CRB1: variants seen among roughly 807,000 people sequenced by gnomAD.
CRB1 encodes crumbs cell polarity complex component 1.
CRB1 carries 83 observed loss-of-function variants against 120.0 expected under a neutral mutation model. The ratio of observed to expected loss-of-function variants is 0.69; its 90% CI spans 0.58 to 0.83. CRB1 has a LOEUF of 0.83. CRB1 is among the 40% of genes least tolerant of loss of function. CRB1 has a pLI of 0.00. For synonymous variants in CRB1, 625 were observed against 612.5 expected, an observed-to-expected ratio of 1.02 and a Z score of -0.30; for missense variants, 1,699 against 1,687.6, an observed-to-expected ratio of 1.01 and a Z score of -0.12.
At chr1:197,211,944 A>G in the CRB1 span, among the ~76,000 whole-genome samples, 1 of 152,172 alleles carries the variant, frequency 6.6e-6, no homozygotes, top group African/African-American at 2.4e-5. Flanking sequence ...CAATGAGACG[A>G]AACATATATA....
intron 4 of CRB1, among the ~76,000 whole-genome samples, chr1:197,355,067 T>C (rs1222194869): frequency 6.6e-6 from 1 of 151,764 alleles, no homozygotes; most frequent in African/African-American, 2.4e-5. Flanking sequence ...AGAGTGCCTA[T>C]TGTTGCATCC....
At chr1:197,341,588 T>A (rs1659462678) in intron 2 of CRB1, among the ~76,000 whole-genome samples, 1 of 152,142 alleles carries the variant, frequency 6.6e-6, no homozygotes, top group Non-Finnish European at 1.5e-5. Context: ...AGAATGCTAA[T>A]GTATATCTAC....
At chr1:197,354,468 G>C (rs1298852095) in intron 4 of CRB1, among the ~76,000 whole-genome samples, 1 of 152,094 alleles carries the variant, frequency 6.6e-6, no homozygotes, top group Non-Finnish European at 1.5e-5. Context: ...GTTCGGACGT[G>C]TTCAGAGTTT....
At chr1:197,372,126 A>G (rs1482821985) in intron 5 of CRB1, among the ~76,000 whole-genome samples, 1 of 152,156 alleles carries the variant, frequency 6.6e-6, no homozygotes, top group Non-Finnish European at 1.5e-5. Context: ...GCAGCATTTA[A>G]TTAAGGAGAC....
At chr1:197,453,564 A>AGG (rs1666090112) in intron 11 of CRB1, among the ~76,000 whole-genome samples, 10 of 124,124 alleles carry the variant, frequency 8.1e-5, no homozygotes, top group Middle Eastern at 4.5e-3. Flanking sequence ...AGAGAGAGAG[A>AGG]GAGAGGGAGA....
intron 11 of CRB1, among the ~76,000 whole-genome samples, chr1:197,450,957 C>CAAAAAA (rs11288525): frequency 8.8e-5 from 5 of 56,612 alleles, no homozygotes; most frequent in Non-Finnish European, 1.5e-4. Context: ...GACTCCGTCC[C>CAAAAAA]AAAAAAAAAA....
the CRB1 span, among the ~76,000 whole-genome samples, chr1:197,244,203 T>C: frequency 9.2e-5 from 14 of 152,190 alleles, no homozygotes; most frequent in Non-Finnish European, 1.3e-4. Flanking sequence ...ATGTTTGAAT[T>C]TGATCCTGTC....
intron 1 of CRB1, among the ~76,000 whole-genome samples, chr1:197,324,095 GA>G (rs1658359331): frequency 6.6e-6 from 1 of 152,160 alleles, no homozygotes. Context: ...TGATGTCAAT[GA>G]ATTTTGGCCA....
At chr1:197,451,774 G>A (rs978766608) in intron 11 of CRB1, among the ~76,000 whole-genome samples, 6 of 152,130 alleles carry the variant, frequency 3.9e-5, no homozygotes, top group Non-Finnish European at 7.4e-5. Flanking sequence ...TTTAAATTGC[G>A]CTTTTCTTCT....
At chr1:197,231,138 TA>T in the CRB1 span, among the ~76,000 whole-genome samples, 1 of 152,122 alleles carries the variant, frequency 6.6e-6, no homozygotes, top group Non-Finnish European at 1.5e-5. Context: ...CAGAAGAAAT[TA>T]TAGCTTCTTT....
intron 5 of CRB1, among the ~76,000 whole-genome samples, chr1:197,366,027 A>G (rs1040731106): frequency 6.6e-6 from 1 of 152,200 alleles, no homozygotes; most frequent in African/African-American, 2.4e-5. Context: ...CACTTGTGTT[A>G]TAGTAGTATA....
At chr1:197,303,293 C>G (rs1298461860) in intron 1 of CRB1, among the ~76,000 whole-genome samples, 4 of 108,434 alleles carry the variant, frequency 3.7e-5, no homozygotes, top group Non-Finnish European at 3.6e-5. Context: ...TCCCCCCACC[C>G]CACAACAGTC....
At position 197,316,175 on chromosome 1, in the gene CRB1, G is replaced by C. The variant is rs191200620; in HGVS notation, c.71-12247G>C. 9.2e-5 allele frequency among the ~76,000 whole-genome samples: 14 copies of C among 151,446 alleles called. No homozygotes were observed. In the East Asian group the frequency reaches 1.2e-3, roughly 13 times the overall value. On this transcript the variant is annotated intron_variant, in intron 1 of 11. Coordinates refer to ENST00000367400, the MANE Select transcript of CRB1 (RefSeq NM_201253.3). Reference sequence around the variant, plus strand: ...TTGGTTCAAAAATCAGATTTTAAACGATTTCAAAGTCAGACTTTTTTTTTT... The same window carrying C: ...TTGGTTCAAAAATCAGATTTTAAACCATTTCAAAGTCAGACTTTTTTTTTT...
Position 197,268,467 on chromosome 1 carries a change from C to T in CRB1, c.55C>T (p.Leu19Phe). 3 of 1,611,600 alleles carry T rather than the reference C, an allele frequency of 1.9e-6. No homozygotes were observed. Among genetic ancestry groups the T allele is most frequent in the Non-Finnish European group, 1.7e-6 (2 of 1,177,714 alleles). Residue 19 changes from leucine (L) to phenylalanine (F), a missense_variant, in exon 1 of 12, where the codon CTT becomes TTT. By Grantham distance (22) the Leu-to-Phe change is conservative. Transcript: ENST00000367400. Reference sequence around the variant, plus strand: ...CATCTTCTACCTCAGTTTCTCACTGCTTATCTACATAAAAAGTAAGCCTTT... The same window carrying T: ...CATCTTCTACCTCAGTTTCTCACTGTTTATCTACATAAAAAGTAAGCCTTT... ...LLIFYLSFSL[L>F]IYIKNSFCNK...
At chr1:197,387,953 G>A (rs1260271386) in intron 5 of CRB1, among the ~76,000 whole-genome samples, 1 of 151,442 alleles carries the variant, frequency 6.6e-6, no homozygotes, top group Non-Finnish European at 1.5e-5. Flanking sequence ...GTATTAGTAT[G>A]TATTTATATA....
At chr1:197,324,425 A>G (rs1658380186) in intron 1 of CRB1, among the ~76,000 whole-genome samples, 2 of 152,208 alleles carry the variant, frequency 1.3e-5, no homozygotes, top group African/African-American at 2.4e-5. Flanking sequence ...AAAGCAAATA[A>G]TGTTTTTTAA....
intron 11 of CRB1, 158 bp downstream of exon 11, chr1:197,442,450 A>G: frequency 6.4e-7 from 1 of 1,552,676 alleles, no homozygotes. Context: ...ATGAAAAAAA[A>G]AGCCATTGAA....
At chr1:197,211,107 C>T in the CRB1 span, among the ~76,000 whole-genome samples, 1 of 152,146 alleles carries the variant, frequency 6.6e-6, no homozygotes, top group African/African-American at 2.4e-5. Flanking sequence ...ATACACAATT[C>T]TCTATGACAG....
intron 1 of CRB1, among the ~76,000 whole-genome samples, chr1:197,300,849 T>G (rs1212138059): frequency 3.9e-5 from 6 of 152,156 alleles, no homozygotes; most frequent in Admixed American, 3.9e-4. Flanking sequence ...CTGATGACTT[T>G]AACTGAAACT....
Sources: allele counts gnomAD v4.1 joint callset (sites outside exome capture counted in the v4.1 genomes callset), GRCh38; gene constraint gnomAD v4.1.1; transcripts MANE v1.5; gene names NCBI Gene and HGNC (gene_info 2026-07-23, HGNC 2026-07-21).